Variants in PPARGC1A observed in about 807,000 individuals in gnomAD.
PPARGC1A encodes peroxisome proliferator-activated receptor gamma coactivator 1-alpha.
In PPARGC1A, 25 loss-of-function variants were observed where a neutral mutation model predicts 88.7. The observed-to-expected ratio is 0.28, with a 90% CI of 0.21 to 0.39. The LOEUF is 0.39. Among genes scored for constraint, PPARGC1A ranks in the 10% least tolerant of loss-of-function variants. The pLI, the probability that PPARGC1A is intolerant of heterozygous loss-of-function variation, is 1.00. For missense variants in PPARGC1A, 880 were observed against 968.7 expected (o/e 0.91, Z 1.22); for synonymous variants, 363 against 355.6 (o/e 1.02, Z -0.24).
chr4:24,175,798 C>T, the PPARGC1A span, among the ~76,000 whole-genome samples: 3 of 151,484 alleles, frequency 2.0e-5, no homozygotes, highest in Non-Finnish European at 4.4e-5. Flanking sequence ...TATTTTAATC[C>T]CGCTCTTATC....
chr4:24,081,546 G>A, the PPARGC1A span, among the ~76,000 whole-genome samples: 1 of 152,156 alleles, frequency 6.6e-6, no homozygotes. Context: ...GATTAGCATA[G>A]GAAACATGAA....
the PPARGC1A span, among the ~76,000 whole-genome samples, chr4:24,270,296 A>G: frequency 1.4e-5 from 2 of 147,084 alleles, no homozygotes; most frequent in African/African-American, 2.5e-5. Context: ...AATCCCTTAT[A>G]ATAAATCAAC....
the PPARGC1A span, among the ~76,000 whole-genome samples, chr4:23,922,307 C>A: frequency 6.6e-6 from 1 of 152,196 alleles, no homozygotes; most frequent in East Asian, 1.9e-4. Context: ...CCCATCACAT[C>A]AAGGAAGGAA....
chr4:24,188,259 G>A, the PPARGC1A span, among the ~76,000 whole-genome samples: 4 of 152,206 alleles, frequency 2.6e-5, no homozygotes, highest in South Asian at 8.3e-4. Flanking sequence ...GTCCATTCAT[G>A]TCCTATATTC....
chr4:24,163,097 T>C, the PPARGC1A span, among the ~76,000 whole-genome samples: 4 of 151,030 alleles, frequency 2.6e-5, no homozygotes, highest in Non-Finnish European at 5.9e-5. Context: ...TCTCATACAA[T>C]AGTCTTTATT....
chr4:24,285,087 T>C, the PPARGC1A span, among the ~76,000 whole-genome samples: 1 of 152,140 alleles, frequency 6.6e-6, no homozygotes, highest in African/African-American at 2.4e-5. Flanking sequence ...AAAGAGGGCA[T>C]GAGCTAGGGT....
At chr4:24,111,536 A>T in the PPARGC1A span, among the ~76,000 whole-genome samples, 12 of 152,342 alleles carry the variant, frequency 7.9e-5, no homozygotes, top group South Asian at 2.5e-3. Flanking sequence ...CAATGATTAG[A>T]CAAAACATGG....
the PPARGC1A span, among the ~76,000 whole-genome samples, chr4:24,453,476 G>A: frequency 6.6e-6 from 1 of 152,186 alleles, no homozygotes; most frequent in Non-Finnish European, 1.5e-5. Context: ...TATGGGTGTA[G>A]TAAATTATAA....
At chr4:23,821,421 A>G (rs1722991841) in intron 7 of PPARGC1A, among the ~76,000 whole-genome samples, 1 of 152,226 alleles carries the variant, frequency 6.6e-6, no homozygotes, top group Non-Finnish European at 1.5e-5. Flanking sequence ...TTGATTTGGT[A>G]AATTCCATAC....
the PPARGC1A span, among the ~76,000 whole-genome samples, chr4:24,159,964 G>A: frequency 6.6e-6 from 1 of 152,184 alleles, no homozygotes; most frequent in Non-Finnish European, 1.5e-5. Context: ...TTAACTCTCT[G>A]CCTAAGTCCT....
chr4:24,274,820 A>T, the PPARGC1A span, among the ~76,000 whole-genome samples: 8 of 152,202 alleles, frequency 5.3e-5, no homozygotes, highest in East Asian at 5.8e-4. Context: ...ATTTTTTTTT[A>T]AATTAAATGT....
chr4:24,254,468 T>C, the PPARGC1A span, among the ~76,000 whole-genome samples: 1 of 152,184 alleles, frequency 6.6e-6, no homozygotes, highest in Non-Finnish European at 1.5e-5. Flanking sequence ...CAACCATTAC[T>C]ACATAGAAAG....
At chr4:24,177,015 G>A in the PPARGC1A span, among the ~76,000 whole-genome samples, 1 of 152,124 alleles carries the variant, frequency 6.6e-6, no homozygotes, top group African/African-American at 2.4e-5. Flanking sequence ...TTACACTGTT[G>A]GTGGGACTGT....
At chr4:23,796,904 A>G (rs1717711377) in intron 12 of PPARGC1A, among the ~76,000 whole-genome samples, 1 of 152,056 alleles carries the variant, frequency 6.6e-6, no homozygotes, top group Non-Finnish European at 1.5e-5. Context: ...TACAAAATCG[A>G]AATGGTCAAA....
At chr4:24,193,181 T>A in the PPARGC1A span, among the ~76,000 whole-genome samples, 1 of 152,248 alleles carries the variant, frequency 6.6e-6, no homozygotes, top group Non-Finnish European at 1.5e-5. Flanking sequence ...TTGTTTAACA[T>A]GCATTTATCT....
At chr4:23,845,187 A>C (rs1728103455) in intron 2 of PPARGC1A, among the ~76,000 whole-genome samples, 1 of 152,094 alleles carries the variant, frequency 6.6e-6, no homozygotes, top group African/African-American at 2.4e-5. Flanking sequence ...TGCTGTTACA[A>C]ATTAGCAGAC....
the PPARGC1A span, among the ~76,000 whole-genome samples, chr4:23,935,969 T>A: frequency 6.6e-6 from 1 of 152,228 alleles, no homozygotes; most frequent in Non-Finnish European, 1.5e-5. Context: ...GAAAATAGTT[T>A]ATGTGTTCTG....
chr4:23,982,886 T>A, the PPARGC1A span, among the ~76,000 whole-genome samples: 1 of 152,108 alleles, frequency 6.6e-6, no homozygotes, highest in South Asian at 2.1e-4. Flanking sequence ...TTTAACGAAG[T>A]TTGGCAAACT....
chr4:24,293,888 A>G, the PPARGC1A span, among the ~76,000 whole-genome samples: 1 of 151,990 alleles, frequency 6.6e-6, no homozygotes, highest in African/African-American at 2.4e-5. Context: ...TCTCTTCCCT[A>G]CTGTGTTTTC....
Sources: gnomAD v4.1 joint callset for allele counts (sites outside exome capture counted in the v4.1 genomes callset) on GRCh38, gnomAD v4.1.1 for gene constraint, MANE v1.5 for transcripts, NCBI Gene and HGNC (gene_info 2026-07-23, HGNC 2026-07-21) for gene names.